Variants in RAB3B observed in about 807,000 individuals in gnomAD.
RAB3B encodes the protein ras-related protein Rab-3B.
A neutral mutation model predicts 20.5 loss-of-function variants in RAB3B; 11 were observed. That is an observed-to-expected ratio of 0.54 (90% CI 0.34 to 0.89). RAB3B has a LOEUF of 0.89. RAB3B is among the 40% of genes least tolerant of loss of function. The pLI, the probability that RAB3B is intolerant of heterozygous loss-of-function variation, is 0.02. For synonymous variants in RAB3B, 99 were observed against 106.3 expected (o/e 0.93, Z 0.42); for missense variants, 225 against 280.9 (o/e 0.80, Z 1.42).
intron 2 of RAB3B, among the ~76,000 whole-genome samples, chr1:51,940,365 G>C (rs977568892): frequency 1.3e-5 from 2 of 152,164 alleles, no homozygotes; most frequent in Non-Finnish European, 2.9e-5. Context: ...GCTCATGCCT[G>C]TAATCCCAGC....
Position 51,916,417 on chromosome 1 carries a change from C to T in RAB3B, c.*3510G>A, listed in dbSNP as rs1221726897. ...GGATATAGATACTAAAATATCCAGGCGTCATGAGGACCTTGGTCTGAAATC... is the reference window on the plus strand; with the variant it reads ...GGATATAGATACTAAAATATCCAGGTGTCATGAGGACCTTGGTCTGAAATC... On this transcript the variant is annotated 3_prime_UTR_variant, in exon 5 of 5. Coordinates refer to ENST00000371655, the MANE Select transcript of RAB3B (RefSeq NM_002867.4). The T allele has an allele frequency of 6.6e-6, 1 of 152,182 alleles. No homozygotes were observed. Among genetic ancestry groups the T allele is most frequent in the African/African-American group, 2.4e-5 (1 of 41,428 alleles). 9.4% of individuals were successfully genotyped at this position (152,182 alleles called of 1,614,324 possible).
intron 2 of RAB3B, among the ~76,000 whole-genome samples, chr1:51,971,475 T>C (rs1237701683): frequency 1.3e-5 from 2 of 150,856 alleles, no homozygotes; most frequent in South Asian, 2.1e-4. Context: ...CTCTGTCGCC[T>C]AGGCTGGAGT....
At position 51,914,494 on chromosome 1, in the gene RAB3B, T is replaced by G. The variant is rs1411047736; in HGVS notation, c.*5433A>C. 1 of 152,234 alleles carries G rather than the reference T, an allele frequency of 6.6e-6. No homozygotes were observed. Among genetic ancestry groups the G allele is most frequent in the Admixed American group, 6.5e-5 (1 of 15,276 alleles). The allele number at this position is 152,234 out of a possible 1,614,324, so 9.4% of individuals were successfully genotyped here. ...CTAAATCATGAAGCTATACGTTTCA[T>G]GAAAGCAAGAACTGTGTCTAATTTG... On this transcript the variant is annotated 3_prime_UTR_variant, in exon 5 of 5. Coordinates refer to ENST00000371655, the MANE Select transcript of RAB3B (RefSeq NM_002867.4).
intron 2 of RAB3B, among the ~76,000 whole-genome samples, chr1:51,965,242 A>G (rs1008029869): frequency 6.6e-6 from 1 of 152,082 alleles, no homozygotes; most frequent in African/African-American, 2.4e-5. Flanking sequence ...AGAAACGAAA[A>G]AAAGAAAGAA....
chr1:51,923,541 C>T (rs1333241745), intron 4 of RAB3B, among the ~76,000 whole-genome samples: 1 of 151,994 alleles, frequency 6.6e-6, no homozygotes, highest in Non-Finnish European at 1.5e-5. Flanking sequence ...CATGGTGAAA[C>T]CCTGTCTCTA....
chr1:51,984,146 C>A lies in RAB3B; in HGVS notation c.-1+6406G>T, dbSNP rs551500378. Among the ~76,000 whole-genome samples the A allele has an allele frequency of 1.2e-3, 180 of 150,650 alleles. 1 individual carries two copies. The highest frequency in any genetic ancestry group is 4.0e-3 in the African/African-American group (166 of 41,072). On this transcript the variant is annotated intron_variant, in intron 1 of 4. Coordinates refer to ENST00000371655, the MANE Select transcript of RAB3B (RefSeq NM_002867.4). The stretch of plus-strand genomic sequence containing the variant: ...GGGCGTGGTGGTGGCTGCCTGTAAT[C>A]CCAGCTACTCTGGAGGCTGAGGCAG...
At chr1:51,943,394 T>C (rs113330863) in intron 2 of RAB3B, among the ~76,000 whole-genome samples, 2,564 of 50,072 alleles carry the variant, frequency 0.051, 29 homozygotes, top group Non-Finnish European at 0.062. Flanking sequence ...AAAATAATAA[T>C]AACAACAACA....
Position 51,937,463 on chromosome 1 carries a change from C to T in RAB3B, c.229-51G>A, listed in dbSNP as rs1684421797. On this transcript the variant is annotated intron_variant, in intron 2 of 4. Coordinates refer to ENST00000371655, the MANE Select transcript of RAB3B (RefSeq NM_002867.4). Reference sequence around the variant, plus strand: ...TCTCTTAGAAAGTCTGCTTTGGTTCCTAAAAAGTCCCCAGGACAATTAACT... The same window carrying T: ...TCTCTTAGAAAGTCTGCTTTGGTTCTTAAAAAGTCCCCAGGACAATTAACT... The T allele has an allele frequency of 2.3e-6, 3 of 1,300,378 alleles. No homozygotes were observed. The East Asian group carries it at 7.4e-5, about 32-fold the overall frequency. 80.6% of individuals were successfully genotyped at this position (1,300,378 alleles called of 1,614,324 possible). A position where few individuals can be genotyped will look rare whatever the true frequency, so the allele number is the denominator to read the frequency against.
chr1:51,943,399 A>T (rs1684521272), intron 2 of RAB3B, among the ~76,000 whole-genome samples: 1 of 89,524 alleles, frequency 1.1e-5, no homozygotes, highest in Admixed American at 1.6e-4. Context: ...AATAATAACA[A>T]CAACAACAAC....
intron 1 of RAB3B, among the ~76,000 whole-genome samples, chr1:51,988,656 G>T (rs984724772): frequency 2.4e-4 from 37 of 152,264 alleles, no homozygotes; most frequent in Non-Finnish European, 3.8e-4. Flanking sequence ...TGAGGCAGGA[G>T]CACCAATTAT....
intron 2 of RAB3B, among the ~76,000 whole-genome samples, chr1:51,970,069 C>CAAA (rs112681651): frequency 1.5e-5 from 2 of 135,288 alleles, no homozygotes; most frequent in African/African-American, 5.4e-5. Flanking sequence ...GACCCTATCT[C>CAAA]AAAAAAAAAA....
rs200904195 is a variant in RAB3B, at chr1:51,919,976, G to A, written c.611C>T (p.Thr204Met). 6.8e-5 allele frequency: 110 copies of A among 1,613,964 alleles called. No individual in the cohort carries two copies. Among genetic ancestry groups the A allele is most frequent in the Non-Finnish European group, 8.1e-5 (96 of 1,179,996 alleles). ...DPSMLGSSKN[T>M]RLSDTPPLLQ... ...CAGCGGTGGGGTGTCCGAGAGACGC[G>A]TGTTCTTGGAGGAGCCCAGCATCGA... is the stretch of plus-strand genomic sequence containing the variant. Residue 204 changes from threonine to methionine, a missense_variant, in exon 5 of 5, where the codon ACG becomes ATG. Coordinates refer to ENST00000371655, the MANE Select transcript of RAB3B (RefSeq NM_002867.4).
intron 2 of RAB3B, among the ~76,000 whole-genome samples, chr1:51,966,220 CA>C (rs1684849805): frequency 6.6e-6 from 1 of 152,238 alleles, no homozygotes; most frequent in South Asian, 2.1e-4. Flanking sequence ...TGAAAAAAAT[CA>C]GACTCATTTG....
rs986389943 is a variant in RAB3B at position 51,914,439 on chromosome 1, T to G, written c.*5488A>C. On this transcript the variant is annotated 3_prime_UTR_variant, in exon 5 of 5. Transcript: ENST00000371655. ...TTTCCTTTAGAGTACTTTGTAATTATATTTGGGTGATGATTTGACAATGTC... is the reference window on the plus strand; with the variant it reads ...TTTCCTTTAGAGTACTTTGTAATTAGATTTGGGTGATGATTTGACAATGTC... 3 of 152,272 alleles carry G rather than the reference T, an allele frequency of 2.0e-5. No individual in the cohort carries two copies. Among genetic ancestry groups the G allele is most frequent in the African/African-American group, 2.4e-5 (1 of 41,548 alleles). 9.4% of individuals were successfully genotyped at this position (152,272 alleles called of 1,614,324 possible). A position where few individuals can be genotyped will look rare whatever the true frequency, so the allele number is the denominator to read the frequency against.
Position 51,967,521 on chromosome 1 carries a change from C to CTTTTTTTTTTTTTCTT in RAB3B, c.228+9368_228+9369insAAGAAAAAAAAAAAAA, listed in dbSNP as rs771044746. ...TTCCTTTTTCTTTTCTTTTCTTTTT[C>CTTTTTTTTTTTTTCTT]TTTTTTTTTTTTTTTTTTGAGATAG... is the stretch of plus-strand genomic sequence containing the variant. On this transcript the variant is annotated intron_variant, in intron 2 of 4. Transcript: ENST00000371655. Among the ~76,000 whole-genome samples, 24 of 36,512 alleles carry CTTTTTTTTTTTTTCTT rather than the reference C, an allele frequency of 6.6e-4. 3 individuals carry two copies. The highest frequency in any genetic ancestry group is 1.6e-3 in the African/African-American group (24 of 14,624). The allele number at this position is 36,512 out of a possible 152,430, so 24.0% of individuals were successfully genotyped here. A position where few individuals can be genotyped will look rare whatever the true frequency, so the allele number is the denominator to read the frequency against.
chr1:51,931,078 T>C (rs939496487), intron 4 of RAB3B, among the ~76,000 whole-genome samples: 57 of 151,708 alleles, frequency 3.8e-4, no homozygotes, highest in African/African-American at 1.4e-3. Flanking sequence ...CTAATACATA[T>C]CCAAATATGT....
chr1:51,931,346 C>A (rs1216007077), intron 4 of RAB3B, among the ~76,000 whole-genome samples: 2 of 152,142 alleles, frequency 1.3e-5, no homozygotes, highest in Non-Finnish European at 2.9e-5. Context: ...CGTTCCTCCT[C>A]TATGCTCCCC....
At chr1:51,979,948 G>A (rs1457588517) in intron 1 of RAB3B, among the ~76,000 whole-genome samples, 1 of 151,936 alleles carries the variant, frequency 6.6e-6, no homozygotes, top group East Asian at 1.9e-4. Context: ...GGCTGAGGCA[G>A]GAAAATGGCG....
At chr1:51,945,367 T>A (rs1684550357) in intron 2 of RAB3B, among the ~76,000 whole-genome samples, 1 of 152,194 alleles carries the variant, frequency 6.6e-6, no homozygotes, top group South Asian at 2.1e-4. Flanking sequence ...GTATGTAAAT[T>A]GTTTTAGGCA....
Sources: allele counts gnomAD v4.1 joint callset (sites outside exome capture counted in the v4.1 genomes callset), GRCh38; gene constraint gnomAD v4.1.1; transcripts MANE v1.5; gene names NCBI Gene and HGNC (gene_info 2026-07-23, HGNC 2026-07-21).